ANKRD18B: variants seen among roughly 807,000 people sequenced by gnomAD.
The protein encoded by ANKRD18B is ankyrin repeat domain 18B, also known as ankyrin repeat domain-containing protein 18B.
A neutral mutation model predicts 111.8 loss-of-function variants in ANKRD18B; 75 were observed. The ratio of observed to expected loss-of-function variants is 0.67; its 90% CI spans 0.56 to 0.81. The LOEUF (loss-of-function observed/expected upper bound fraction) is 0.81, where lower values mean the gene tolerates loss of function less well. Among genes scored for constraint, ANKRD18B ranks in the 40% least tolerant of loss-of-function variants. The pLI, the probability that ANKRD18B is intolerant of heterozygous loss-of-function variation, is 0.00. For missense variants in ANKRD18B, 1,038 were observed against 1,225.5 expected, an observed-to-expected ratio of 0.85 and a Z score of 2.28; for synonymous variants, 356 against 417.3, an observed-to-expected ratio of 0.85 and a Z score of 1.79.
rs534223659 is a variant in ANKRD18B at position 33,534,741 on chromosome 9, A to G, written c.740+234A>G. On this transcript the variant is annotated intron_variant, in intron 5 of 18. Coordinates refer to ENST00000684830, the MANE Select transcript of ANKRD18B (RefSeq NM_001393611.1). ...AAAGACCTTTATCCCTAGGAATGTC[A>G]GTGTTGTTCATTTTATTCCAAGTAT... is the stretch of plus-strand genomic sequence containing the variant. 9.2e-5 allele frequency among the ~76,000 whole-genome samples: 14 copies of G among 152,138 alleles called. No individual in the cohort carries two copies. The South Asian group carries it at 2.5e-3, about 27-fold the overall frequency.
downstream of ANKRD18B, among the ~76,000 whole-genome samples, chr9:33,575,057 A>G (rs987453253): frequency 2.0e-5 from 3 of 152,130 alleles, no homozygotes; most frequent in Admixed American, 2.0e-4. Context: ...TGGCTTGGGG[A>G]CAGTCACTAT....
rs753981622 is a variant in ANKRD18B at position 33,566,473 on chromosome 9, A to G, written c.2715A>G (p.Ile905Met). 4.4e-6 allele frequency: 7 copies of G among 1,607,162 alleles called. No individual in the cohort carries two copies. Among genetic ancestry groups the G allele is most frequent in the Admixed American group, 1.7e-5 (1 of 58,936 alleles). The change falls in exon 15 of 19, where the codon ATA becomes ATG. Residue 905 changes from isoleucine to methionine, a missense_variant. By Grantham distance (10) the Ile-to-Met change is conservative. Transcript: ENST00000684830. ...TGGATGAAAGGGCAATGCAGGCAAT[A>G]GAAAAATTAGAAGAAATCCATTTAC... ...SELDERAMQA[I>M]EKLEEIHLQK... is the part of the protein sequence containing the mutation.
Position 33,566,289 on chromosome 9 carries a change from T to A in ANKRD18B, c.2531T>A (p.Val844Asp), listed in dbSNP as rs554573425. 178 of 1,561,086 alleles carry A rather than the reference T, an allele frequency of 1.1e-4. 1 individual carries two copies. The African/African-American group carries it at 2.1e-3, about 18-fold the overall frequency. The part of the protein sequence containing the change: ...KCVNLAKDNE[V>D]LHQELLSMGK... ...GTCAATTTGGCCAAAGACAATGAAG[T>A]TCTTCATCAGGAGTTATTATCTATG... The change falls in exon 15 of 19, where the codon GTT (valine) becomes GAT (aspartate). Residue 844 changes from valine (V) to aspartate (D), a missense_variant. By Grantham distance (152) the Val-to-Asp change is radical. Transcript: ENST00000684830.
intron 14 of ANKRD18B, among the ~76,000 whole-genome samples, chr9:33,561,369 A>G (rs897674114): frequency 1.2e-4 from 18 of 152,186 alleles, no homozygotes. Flanking sequence ...TTCTTTGCCC[A>G]TTTGTTAAAT....
chr9:33,571,328 AT>A, intron 18 of ANKRD18B, 37 bp downstream of exon 18: 1 of 984,926 alleles, frequency 1.0e-6, no homozygotes, highest in South Asian at 2.1e-5. Flanking sequence ...ATTTAGGTTT[AT>A]TTTAGTAATA....
Position 33,566,428 on chromosome 9 carries a change from A to T in ANKRD18B, c.2670A>T (p.Val890=), listed in dbSNP as rs200981604. Residue 890 remains valine, a synonymous_variant, in exon 15 of 19, where the codon GTA becomes GTT. Coordinates refer to ENST00000684830, the MANE Select transcript of ANKRD18B (RefSeq NM_001393611.1). ...MEKDMVELGK[V]QEYKSELDER... ...AAGATATGGTAGAACTTGGTAAAGT[A>T]CAAGAATATAAATCGGAGCTGGATG... 94 of 1,610,036 alleles carry T rather than the reference A, an allele frequency of 5.8e-5. No homozygotes were observed. In the Middle Eastern group the frequency reaches 1.7e-3, roughly 29 times the overall value.
intron 14 of ANKRD18B, 84 bp downstream of exon 14, chr9:33,558,271 C>T (rs1378442531): frequency 2.7e-5 from 39 of 1,441,512 alleles, no homozygotes; most frequent in Non-Finnish European, 3.4e-5. Context: ...TAAATGTGTG[C>T]CATGATGGTT....
chr9:33,565,842 TATG>T (rs1185607919), intron 14 of ANKRD18B, among the ~76,000 whole-genome samples: 2 of 152,184 alleles, frequency 1.3e-5, no homozygotes, highest in East Asian at 1.9e-4. Flanking sequence ...AATAACTCAA[TATG>T]ATATCTCTGA....
chr9:33,549,907 C>A (rs978733614), intron 11 of ANKRD18B, among the ~76,000 whole-genome samples: 14 of 152,160 alleles, frequency 9.2e-5, no homozygotes, highest in Admixed American at 5.2e-4. Flanking sequence ...GGATATAATT[C>A]TTTCCAGTAC....
chr9:33,540,644 A>G (rs1033951182), intron 8 of ANKRD18B, among the ~76,000 whole-genome samples: 3 of 151,976 alleles, frequency 2.0e-5, no homozygotes, highest in African/African-American at 4.8e-5. Flanking sequence ...TCAGGGTATA[A>G]AGCTGGGATT....
At position 33,548,680 on chromosome 9, in the gene ANKRD18B, T is replaced by C. The variant is rs1449913053; in HGVS notation, c.1892T>C (p.Leu631Pro). The C allele has an allele frequency of 3.4e-5, 52 of 1,551,162 alleles. No individual in the cohort carries two copies. Among genetic ancestry groups the C allele is most frequent in the Non-Finnish European group, 4.5e-5 (52 of 1,146,670 alleles). ...ELENLLLERQ[L>P]EDARKEGDNK... ...GAAAATCTCTTGCTTGAACGACAACTAGAGGATGCTCGTAAGGAAGGTGAT... is the reference window on the plus strand; with the variant it reads ...GAAAATCTCTTGCTTGAACGACAACCAGAGGATGCTCGTAAGGAAGGTGAT... Residue 631 changes from leucine to proline, a missense_variant, in exon 11 of 19, where the codon CTA becomes CCA. Transcript: ENST00000684830.
chr9:33,572,459 G>A lies in ANKRD18B; in HGVS notation c.*25G>A. 1 of 1,465,116 alleles carries A rather than the reference G, an allele frequency of 6.8e-7. No individual in the cohort carries two copies. Among genetic ancestry groups the A allele is most frequent in the Non-Finnish European group, 9.2e-7 (1 of 1,090,974 alleles). The allele number at this position is 1,465,116 out of a possible 1,614,324, so 90.8% of individuals were successfully genotyped here. On this transcript the variant is annotated 3_prime_UTR_variant, in exon 19 of 19. Coordinates refer to ENST00000684830, the MANE Select transcript of ANKRD18B (RefSeq NM_001393611.1). ...AAAGATCATAAAACTTTATTACTGG[G>A]CTATTTACATGAAATTTTAATTGTT... is the stretch of plus-strand genomic sequence containing the variant.
rs1828394265 is a variant in ANKRD18B, at chr9:33,548,343, A to G, written c.1555A>G (p.Arg519Gly). ...ERKDLELVLW[R>G]ADDVSRHETM... ...AAAAGACCTAGAACTAGTTTTATGG[A>G]GAGCAGATGATGTTTCTAGACATGA... The change falls in exon 11 of 19, where the codon AGA (arginine) becomes GGA (glycine). Residue 519 changes from arginine (R) to glycine (G), a missense_variant. Around this residue, in one of 4 missense-constraint regions of ANKRD18B, gnomAD observed 205 missense variants for 201.3 expected, o/e 1.02. Coordinates refer to ENST00000684830, the MANE Select transcript of ANKRD18B (RefSeq NM_001393611.1). 5 of 1,549,200 alleles carry G rather than the reference A, an allele frequency of 3.2e-6. No individual in the cohort carries two copies. The highest frequency in any genetic ancestry group is 4.4e-6 in the Non-Finnish European group (5 of 1,145,990).
chr9:33,546,697 G>T (rs1042281355), intron 10 of ANKRD18B, among the ~76,000 whole-genome samples: 2 of 152,076 alleles, frequency 1.3e-5, no homozygotes, highest in Non-Finnish European at 2.9e-5. Context: ...ATGTAATTCA[G>T]CAATATGTAA....
intron 17 of ANKRD18B, among the ~76,000 whole-genome samples, chr9:33,569,300 T>C (rs1433501561): frequency 6.8e-6 from 1 of 146,946 alleles, no homozygotes; most frequent in East Asian, 2.0e-4. Flanking sequence ...AGTCTCACTC[T>C]GTTGCCTAGG....
In ANKRD18B at chr9:33,567,177, C is replaced by A. The variant is rs1277428816; in HGVS notation, c.2817C>A (p.Leu939=). 4 of 1,549,362 alleles carry A rather than the reference C, an allele frequency of 2.6e-6. No homozygotes were observed. Among genetic ancestry groups the A allele is most frequent in the Non-Finnish European group, 3.5e-6 (4 of 1,146,210 alleles). Reference sequence around the variant, plus strand: ...CGGCTTCACTAAAAAAGAAGGAACTCACACTTAAAGATGTGGAATGTAAAT... The same window carrying A: ...CGGCTTCACTAAAAAAGAAGGAACTAACACTTAAAGATGTGGAATGTAAAT... The part of the protein sequence containing the change: ...DNTASLKKKE[L]TLKDVECKFS... Residue 939 remains leucine (L), a synonymous_variant, in exon 16 of 19, where the codon CTC becomes CTA. Transcript: ENST00000684830.
Position 33,534,465 on chromosome 9 carries a change from G to C in ANKRD18B, c.698G>C (p.Gly233Ala). The change falls in exon 5 of 19, where the codon GGC becomes GCC. Residue 233 changes from glycine (G) to alanine (A), a missense_variant. Physicochemically the swap from Gly to Ala is moderately conservative, Grantham distance 60 (BLOSUM62 0). Around this residue, in one of 4 missense-constraint regions of ANKRD18B, gnomAD observed 93 missense variants for 141.3 expected, o/e 0.66. Transcript: ENST00000684830. ...NIHISSQDMF[G>A]QTAEDYAFCC... Reference sequence around the variant, plus strand: ...CATATCTCTTCTCAAGACATGTTTGGCCAAACTGCCGAGGATTATGCTTTT... The same window carrying C: ...CATATCTCTTCTCAAGACATGTTTGCCCAAACTGCCGAGGATTATGCTTTT... The C allele has an allele frequency of 1.3e-6, 2 of 1,550,364 alleles. No individual in the cohort carries two copies. Among genetic ancestry groups the C allele is most frequent in the Non-Finnish European group, 1.7e-6 (2 of 1,146,600 alleles).
At chr9:33,553,428 T>C (rs1828475984) in intron 12 of ANKRD18B, among the ~76,000 whole-genome samples, 1 of 152,174 alleles carries the variant, frequency 6.6e-6, no homozygotes, top group South Asian at 2.1e-4. Flanking sequence ...CATAGGATTA[T>C]TAGCCACTTT....
chr9:33,528,105 C>G (rs957232421), intron 1 of ANKRD18B, among the ~76,000 whole-genome samples: 8 of 152,118 alleles, frequency 5.3e-5, no homozygotes, highest in African/African-American at 1.7e-4. Context: ...TTGAGACCAG[C>G]CTGGGCAACA....
Sources: gnomAD v4.1 joint callset for allele counts (sites outside exome capture counted in the v4.1 genomes callset) on GRCh38, gnomAD v4.1.1 for gene constraint, gnomAD v4.1.1 regional missense constraint, MANE v1.5 for transcripts, NCBI Gene and HGNC (gene_info 2026-07-23, HGNC 2026-07-21) for gene names.